The following DGKI variants were observed in gnomAD, a reference collection of about 807,000 sequenced individuals.
DGKI encodes diacylglycerol kinase iota, also known as DAG kinase iota.
DGKI carries 55 observed loss-of-function variants against 147.5 expected under a neutral mutation model. The observed-to-expected ratio is 0.37, with a 90% CI of 0.30 to 0.47. The LOEUF (loss-of-function observed/expected upper bound fraction) is 0.47, where lower values mean the gene tolerates loss of function less well. Ranked by LOEUF, DGKI falls within the 20% of genes least tolerant of loss-of-function variation. The probability of loss-of-function intolerance (pLI) is 1.00; values close to 1 mark genes in which losing one functional copy is unlikely to be tolerated. For synonymous variants in DGKI, 469 were observed against 477.1 expected, an observed-to-expected ratio of 0.98 and a Z score of 0.22; for missense variants, 1,007 against 1,323.8, an observed-to-expected ratio of 0.76 and a Z score of 3.71.
chr7:137,436,608 G>A (rs188478580), intron 28 of DGKI, among the ~76,000 whole-genome samples: 175 of 152,226 alleles, frequency 1.1e-3, no homozygotes, highest in African/African-American at 4.1e-3. Context: ...GGTAGCTCAA[G>A]TATTGTACAA....
intron 21 of DGKI, among the ~76,000 whole-genome samples, chr7:137,494,096 A>G (rs886650476): frequency 9.2e-5 from 14 of 152,230 alleles, no homozygotes; most frequent in African/African-American, 1.9e-4. Context: ...CCAGTCCTCC[A>G]GAATAACTCA....
intron 17 of DGKI, among the ~76,000 whole-genome samples, 182 bp from the exon 18 acceptor site, chr7:137,573,020 G>A (rs531609364): frequency 1.3e-5 from 2 of 152,138 alleles, no homozygotes; most frequent in East Asian, 1.9e-4. Context: ...CTGGACCCAG[G>A]GTACAGAGGT....
chr7:137,419,805 CAT>C (rs1489268861), intron 28 of DGKI, among the ~76,000 whole-genome samples: 9 of 152,128 alleles, frequency 5.9e-5, no homozygotes, highest in African/African-American at 1.7e-4. Context: ...AGTAAAAAGA[CAT>C]GTGACAAATT....
intron 1 of DGKI, among the ~76,000 whole-genome samples, chr7:137,792,163 G>A (rs534855540): frequency 3.3e-5 from 5 of 152,276 alleles, no homozygotes; most frequent in South Asian, 2.1e-4. Flanking sequence ...GGGGGAGCCG[G>A]CTTCCAAGAA....
chr7:137,634,415 G>A (rs145511634), intron 6 of DGKI, among the ~76,000 whole-genome samples: 3,895 of 152,272 alleles, frequency 0.026, 64 homozygotes, highest in Non-Finnish European at 0.036. Flanking sequence ...ACAAGGTTGT[G>A]CTATCTGCAA....
Position 137,521,914 on chromosome 7 carries a change from G to C in DGKI, c.2200C>G (p.Gln734Glu). ...LRIRVNKISL[Q>E]DYEGFHYDKE... Reference sequence around the variant, plus strand: ...TCATAGTGGAATCCTTCATAGTCTTGTAAACTGATTTTGTTCACCCGGATC... The same window carrying C: ...TCATAGTGGAATCCTTCATAGTCTTCTAAACTGATTTTGTTCACCCGGATC... Residue 734 changes from glutamine to glutamate, a missense_variant, in exon 21 of 33, where the codon CAA (glutamine) becomes GAA (glutamate). By Grantham distance (29) the Gln-to-Glu change is conservative. This residue lies in a region of DGKI where 385 missense variants were observed against 445.2 expected (regional missense o/e 0.86). Coordinates refer to ENST00000614521, the MANE Select transcript of DGKI (RefSeq NM_001321708.2). The C allele has an allele frequency of 1.2e-6, 2 of 1,612,128 alleles. No homozygotes were observed. Among genetic ancestry groups the C allele is most frequent in the African/African-American group, 1.3e-5 (1 of 74,884 alleles).
At chr7:137,397,934 CT>C (rs889496915) in intron 30 of DGKI, among the ~76,000 whole-genome samples, 46 of 152,252 alleles carry the variant, frequency 3.0e-4, no homozygotes, top group African/African-American at 1.0e-3. Flanking sequence ...TAGATGCATC[CT>C]TAGGAATGGA....
chr7:137,844,613 A>G (rs1798655530), intron 1 of DGKI, among the ~76,000 whole-genome samples: 1 of 152,190 alleles, frequency 6.6e-6, no homozygotes, highest in Non-Finnish European at 1.5e-5. Flanking sequence ...TGTAAAGCAG[A>G]CGCAATGTTA....
In DGKI at chr7:137,506,924, T is replaced by C. The variant is rs184226395; in HGVS notation, c.2248+14942A>G. Among the ~76,000 whole-genome samples the C allele has an allele frequency of 5.0e-3, 768 of 152,328 alleles. 5 individuals carry two copies. Among genetic ancestry groups the C allele is most frequent in the South Asian group, 0.034 (163 of 4,828 alleles). On this transcript the variant is annotated intron_variant, in intron 21 of 32. Transcript: ENST00000614521. ...TAAAGACAAGTGGGATCTTTCTTTT[T>C]ACCTCATTAGTTCCAAATGTGCCAA... is the stretch of plus-strand genomic sequence containing the variant.
chr7:137,425,313 C>T (rs1176663767), intron 28 of DGKI, among the ~76,000 whole-genome samples: 1 of 152,202 alleles, frequency 6.6e-6, no homozygotes, highest in Non-Finnish European at 1.5e-5. Context: ...CTCTAGCAAA[C>T]TCCAACAGAC....
intron 1 of DGKI, among the ~76,000 whole-genome samples, chr7:137,830,516 A>G (rs1798188041): frequency 6.6e-6 from 1 of 152,226 alleles, no homozygotes; most frequent in Non-Finnish European, 1.5e-5. Flanking sequence ...TGGTTGGACC[A>G]CATTTTTAGT....
intron 27 of DGKI, among the ~76,000 whole-genome samples, chr7:137,450,044 T>C (rs896469152): frequency 6.6e-6 from 1 of 152,138 alleles, no homozygotes; most frequent in Non-Finnish European, 1.5e-5. Flanking sequence ...GAAAGACAAA[T>C]ACTGCATGTC....
chr7:137,523,790 T>C (rs1817048531), intron 20 of DGKI, among the ~76,000 whole-genome samples: 1 of 152,168 alleles, frequency 6.6e-6, no homozygotes, highest in Admixed American at 6.6e-5. Flanking sequence ...GATACAGACC[T>C]TCAGTTAGTA....
intron 3 of DGKI, among the ~76,000 whole-genome samples, chr7:137,664,250 C>T (rs1455475070): frequency 2.6e-5 from 4 of 151,588 alleles, no homozygotes; most frequent in African/African-American, 4.8e-5. Flanking sequence ...TGGTGGCGGG[C>T]GCCTGTAATC....
At chr7:137,805,790 C>T (rs556690388) in intron 1 of DGKI, among the ~76,000 whole-genome samples, 1 of 152,246 alleles carries the variant, frequency 6.6e-6, no homozygotes, top group Middle Eastern at 3.4e-3. Context: ...ATTGGAAATA[C>T]CTTAGAGATC....
intron 2 of DGKI, among the ~76,000 whole-genome samples, chr7:137,684,125 T>C (rs1823334304): frequency 6.6e-6 from 1 of 152,350 alleles, no homozygotes; most frequent in Non-Finnish European, 1.5e-5. Flanking sequence ...AAGAGTGGAT[T>C]GCCTCCCCTT....
At chr7:137,617,316 G>A (rs1291494621) in intron 8 of DGKI, among the ~76,000 whole-genome samples, 5 of 151,922 alleles carry the variant, frequency 3.3e-5, no homozygotes, top group African/African-American at 1.2e-4. Flanking sequence ...TAAGTGGCCT[G>A]ACAAATAACA....
chr7:137,838,163 CA>C (rs1269070026), intron 1 of DGKI, among the ~76,000 whole-genome samples: 3 of 151,980 alleles, frequency 2.0e-5, no homozygotes, highest in African/African-American at 2.4e-5. Context: ...CCACCACACC[CA>C]GGTAATTTTT....
At chr7:137,527,976 A>C (rs570756039) in intron 20 of DGKI, among the ~76,000 whole-genome samples, 2 of 152,316 alleles carry the variant, frequency 1.3e-5, no homozygotes, top group Non-Finnish European at 2.9e-5. Context: ...CACACTATGA[A>C]TCTCTTCCTC....
Sources: gnomAD v4.1 joint callset for allele counts (sites outside exome capture counted in the v4.1 genomes callset) on GRCh38, gnomAD v4.1.1 for gene constraint, gnomAD v4.1.1 regional missense constraint, MANE v1.5 for transcripts, NCBI Gene and HGNC (gene_info 2026-07-23, HGNC 2026-07-21) for gene names.